PRKN: variants seen among roughly 807,000 people sequenced by gnomAD.
The protein encoded by PRKN is parkin RBR E3 ubiquitin protein ligase, also known as E3 ubiquitin-protein ligase parkin.
Under a neutral mutation model 59.5 loss-of-function variants are expected in PRKN, and 56 were observed. The observed-to-expected ratio is 0.94, with a 90% CI of 0.76 to 1.18. The LOEUF is 1.18. Among genes scored for constraint, PRKN ranks in the 50% most tolerant of loss-of-function variants. The pLI, the probability that PRKN is intolerant of heterozygous loss-of-function variation, is 0.00. For missense variants in PRKN, 657 were observed against 596.4 expected (o/e 1.10, Z -1.06); for synonymous variants, 250 against 222.1 (o/e 1.13, Z -1.12).
intron 1 of PRKN, among the ~76,000 whole-genome samples, chr6:162,670,913 C>T (rs1210937095): frequency 2.0e-5 from 3 of 152,008 alleles, no homozygotes; most frequent in Non-Finnish European, 4.4e-5. Flanking sequence ...AAGCAAACTA[C>T]GACTTAAGAA....
At chr6:161,895,689 C>G (rs1359536557) in intron 6 of PRKN, among the ~76,000 whole-genome samples, 1 of 147,976 alleles carries the variant, frequency 6.8e-6, no homozygotes, top group Non-Finnish European at 1.5e-5. Context: ...GTTATGCCCC[C>G]CAGTGAGGCT....
intron 9 of PRKN, among the ~76,000 whole-genome samples, chr6:161,486,862 C>T (rs1175924497): frequency 6.6e-6 from 1 of 152,172 alleles, no homozygotes; most frequent in Non-Finnish European, 1.5e-5. Flanking sequence ...CTCTATCATA[C>T]ACTCTTTAAT....
At chr6:162,422,900 C>T (rs1180712416) in intron 2 of PRKN, among the ~76,000 whole-genome samples, 1 of 144,122 alleles carries the variant, frequency 6.9e-6, no homozygotes. Context: ...GAGCCGAGAT[C>T]GCGCCACTGC....
chr6:161,572,685 A>AAT (rs1246525441), intron 7 of PRKN, among the ~76,000 whole-genome samples: 2 of 151,976 alleles, frequency 1.3e-5, no homozygotes, highest in East Asian at 3.9e-4. Context: ...TAAATAAATA[A>AAT]ATAACCCAAG....
At chr6:162,305,638 G>A (rs1782189188) in intron 2 of PRKN, among the ~76,000 whole-genome samples, 1 of 152,012 alleles carries the variant, frequency 6.6e-6, no homozygotes, top group South Asian at 2.1e-4. Context: ...AAATGTTTTG[G>A]TTTTTAGTTT....
At chr6:161,957,439 T>TTTTG (rs372892078) in intron 6 of PRKN, among the ~76,000 whole-genome samples, 1 of 143,640 alleles carries the variant, frequency 7.0e-6, no homozygotes, top group Non-Finnish European at 1.5e-5. Flanking sequence ...TTTGTTTGTT[T>TTTTG]TTTTGAGCCA....
intron 4 of PRKN, among the ~76,000 whole-genome samples, chr6:162,124,634 CT>C (rs1221266157): frequency 6.6e-6 from 1 of 152,010 alleles, no homozygotes; most frequent in African/African-American, 2.4e-5. Context: ...TTTGAGGTGT[CT>C]GGGGAGCATA....
chr6:162,712,550 A>G (rs866477980), intron 1 of PRKN, among the ~76,000 whole-genome samples: 1 of 152,208 alleles, frequency 6.6e-6, no homozygotes, highest in South Asian at 2.1e-4. Context: ...TTGCCATACT[A>G]TGAGTAATAA....
intron 5 of PRKN, among the ~76,000 whole-genome samples, chr6:162,033,104 A>G (rs79475995): frequency 0.01 from 1,572 of 152,268 alleles, 34 homozygotes; most frequent in African/African-American, 0.036. Context: ...GCTGTCTCAC[A>G]TGTTATGAAT....
intron 4 of PRKN, among the ~76,000 whole-genome samples, chr6:162,093,084 C>T (rs1252275708): frequency 1.3e-5 from 2 of 152,296 alleles, no homozygotes; most frequent in South Asian, 2.1e-4. Flanking sequence ...CTAATTCCAG[C>T]CAGACTTAAA....
chr6:162,652,282 T>C (rs1490785222), intron 1 of PRKN, among the ~76,000 whole-genome samples: 1 of 152,210 alleles, frequency 6.6e-6, no homozygotes, highest in Non-Finnish European at 1.5e-5. Context: ...AACCTGCTCT[T>C]CCAGCTGACT....
intron 1 of PRKN, among the ~76,000 whole-genome samples, chr6:162,601,381 A>T (rs928618254): frequency 4.6e-5 from 7 of 152,108 alleles, no homozygotes; most frequent in Non-Finnish European, 8.8e-5. Context: ...TATGTATAAA[A>T]GTATAAAGTA....
At chr6:162,502,333 AC>A (rs1485819449) in intron 1 of PRKN, among the ~76,000 whole-genome samples, 4 of 152,052 alleles carry the variant, frequency 2.6e-5, no homozygotes, top group Admixed American at 6.6e-5. Flanking sequence ...GCTACTTTTT[AC>A]ATTTTTTGTA....
At chr6:162,416,246 T>C (rs1454048875) in intron 2 of PRKN, among the ~76,000 whole-genome samples, 1 of 152,188 alleles carries the variant, frequency 6.6e-6, no homozygotes, top group Non-Finnish European at 1.5e-5. Flanking sequence ...TAAATCCTCA[T>C]TTAAGTGCTT....
intron 5 of PRKN, among the ~76,000 whole-genome samples, chr6:161,992,366 G>A (rs1425087544): frequency 1.3e-5 from 2 of 151,978 alleles, no homozygotes; most frequent in Non-Finnish European, 1.5e-5. Context: ...AGACAAAGAA[G>A]ATCATCATAT....
Position 162,707,663 on chromosome 6 carries a change from CT to C in PRKN, c.7+19998del, listed in dbSNP as rs564807584. 5.3e-5 allele frequency among the ~76,000 whole-genome samples: 8 copies of C among 151,744 alleles called. No individual in the cohort carries two copies. In the South Asian group the frequency reaches 1.7e-3, roughly 32 times the overall value. On this transcript the variant is annotated intron_variant, in intron 1 of 11. Transcript: ENST00000366898. The stretch of plus-strand genomic sequence containing the variant: ...GATCTCAGTTCACTGCAACCTCCAA[CT>C]CCCGGGTTCAAGTGATTCTCACGCC...
intron 9 of PRKN, among the ~76,000 whole-genome samples, chr6:161,436,460 TG>T (rs34060350): frequency 0.61 from 75,901 of 124,902 alleles, 20,645 homozygotes; most frequent in East Asian, 0.9. Context: ...AAGACTTTTT[TG>T]GGGGGGGGTG....
intron 2 of PRKN, among the ~76,000 whole-genome samples, chr6:162,338,342 C>T (rs894615498): frequency 2.0e-5 from 3 of 152,044 alleles, no homozygotes; most frequent in African/African-American, 4.8e-5. Flanking sequence ...GCTGCCATCT[C>T]GGCTCACTGC....
chr6:162,472,457 C>CTTTTATTTTATTTTA lies in PRKN; in HGVS notation c.8-28999_8-28985dup, dbSNP rs368175916. On this transcript the variant is annotated intron_variant, in intron 1 of 11. Transcript: ENST00000366898. ...TGAGAACATGCAGTCCAAACTCTAACTTTTATTTTATTTTATTTTATTTTA... is the reference window on the plus strand; with the variant it reads ...TGAGAACATGCAGTCCAAACTCTAACTTTTATTTTATTTTATTTTATTTTATTTTATTTTATTTTA... Among the ~76,000 whole-genome samples the CTTTTATTTTATTTTA allele has an allele frequency of 2.4e-3, 299 of 123,668 alleles. 21 individuals are homozygous for CTTTTATTTTATTTTA. The highest frequency in any genetic ancestry group is 8.5e-3 in the African/African-American group (283 of 33,448). The allele number at this position is 123,668 out of a possible 152,430, so 81.1% of individuals were successfully genotyped here. A position where few individuals can be genotyped will look rare whatever the true frequency, so the allele number is the denominator to read the frequency against.
Sources: allele counts gnomAD v4.1 joint callset (sites outside exome capture counted in the v4.1 genomes callset), GRCh38; gene constraint gnomAD v4.1.1; transcripts MANE v1.5; gene names NCBI Gene and HGNC (gene_info 2026-07-23, HGNC 2026-07-21).